The following IMMP2L variants were observed in gnomAD, a reference collection of about 807,000 sequenced individuals.
IMMP2L encodes inner mitochondrial membrane peptidase subunit 2.
A neutral mutation model predicts 19.3 loss-of-function variants in IMMP2L; 18 were observed. That is an observed-to-expected ratio of 0.93 (90% CI 0.64 to 1.38). The LOEUF is 1.38. IMMP2L is among the 40% of genes most tolerant of loss of function. The probability of loss-of-function intolerance (pLI) is 0.00; values close to 1 mark genes in which losing one functional copy is unlikely to be tolerated. For missense variants in IMMP2L, 233 were observed against 218.2 expected, an observed-to-expected ratio of 1.07 and a Z score of -0.43; for synonymous variants, 76 against 73.0, an observed-to-expected ratio of 1.04 and a Z score of -0.21.
At position 111,241,088 on chromosome 7, in the gene IMMP2L, A is replaced by G. The variant is rs1240367857; in HGVS notation, c.239+246150T>C. Among the ~76,000 whole-genome samples, 3 of 151,944 alleles carry G rather than the reference A, an allele frequency of 2.0e-5. No homozygotes were observed. In the East Asian group the frequency reaches 5.8e-4, roughly 29 times the overall value. On this transcript the variant is annotated intron_variant, in intron 3 of 5. Transcript: ENST00000405709. ...ATAACAGTAACTTAGTTACTGTTCG[A>G]ATGGTAAATATTGTATTATGTTTCA...
chr7:110,685,362 A>G (rs1381971376), intron 5 of IMMP2L, among the ~76,000 whole-genome samples: 1 of 152,186 alleles, frequency 6.6e-6, no homozygotes, highest in Non-Finnish European at 1.5e-5. Context: ...GACTGCCACA[A>G]GAATTAAATG....
intron 3 of IMMP2L, among the ~76,000 whole-genome samples, chr7:111,324,856 G>A (rs1825146028): frequency 6.6e-6 from 1 of 151,692 alleles, no homozygotes; most frequent in South Asian, 2.1e-4. Flanking sequence ...TTTGAATACT[G>A]AAAATCTAGG....
At chr7:111,034,686 T>A (rs28711130) in intron 3 of IMMP2L, among the ~76,000 whole-genome samples, 1 of 151,948 alleles carries the variant, frequency 6.6e-6, no homozygotes, top group East Asian at 1.9e-4. Flanking sequence ...ATTTTATGTC[T>A]AATAATTTCT....
intron 3 of IMMP2L, among the ~76,000 whole-genome samples, chr7:111,173,627 G>A (rs1806700631): frequency 6.6e-6 from 1 of 151,580 alleles, no homozygotes; most frequent in Non-Finnish European, 1.5e-5. Flanking sequence ...TGTATGTCCA[G>A]ACTCAAAGAA....
chr7:111,006,744 TTC>T (rs1193398589), intron 3 of IMMP2L, among the ~76,000 whole-genome samples: 3 of 152,096 alleles, frequency 2.0e-5, no homozygotes, highest in Non-Finnish European at 4.4e-5. Context: ...GCGTCTACTT[TTC>T]TCTCTCTTTC....
intron 5 of IMMP2L, among the ~76,000 whole-genome samples, chr7:110,730,726 C>T (rs565152868): frequency 6.6e-6 from 1 of 152,150 alleles, no homozygotes; most frequent in South Asian, 2.1e-4. Flanking sequence ...GGGGTTTCAC[C>T]GTTTTAGCCA....
chr7:110,956,600 A>G (rs1272441169), intron 4 of IMMP2L, among the ~76,000 whole-genome samples: 5 of 151,912 alleles, frequency 3.3e-5, no homozygotes, highest in African/African-American at 1.2e-4. Context: ...TGTAACAGTA[A>G]ATTCATCTTT....
chr7:110,859,571 C>A (rs1296560391), intron 5 of IMMP2L, among the ~76,000 whole-genome samples: 1 of 151,308 alleles, frequency 6.6e-6, no homozygotes, highest in Non-Finnish European at 1.5e-5. Flanking sequence ...GGAGAAATCC[C>A]GTCTCTACAA....
intron 3 of IMMP2L, among the ~76,000 whole-genome samples, chr7:111,101,427 GTGAGAGTAA>G (rs1797962366): frequency 6.6e-6 from 1 of 151,426 alleles, no homozygotes; most frequent in African/African-American, 2.4e-5. Flanking sequence ...CTCAGAATCT[GTGAGAGTAA>G]CACCTAAGAA....
At position 111,163,195 on chromosome 7, in the gene IMMP2L, C is replaced by T. The variant is rs180879026; in HGVS notation, c.240-199630G>A. On this transcript the variant is annotated intron_variant, in intron 3 of 5. Transcript: ENST00000405709. ...CCCTGTGGGAGTTAAGGCCCAACTT[C>T]GAGTGGGCACCTTGCTCTAATACCA... 2.0e-4 allele frequency among the ~76,000 whole-genome samples: 31 copies of T among 152,166 alleles called. 1 individual carries two copies. The East Asian group carries it at 2.1e-3, about 11-fold the overall frequency.
At chr7:111,116,930 A>C (rs1799947239) in intron 3 of IMMP2L, among the ~76,000 whole-genome samples, 1 of 152,170 alleles carries the variant, frequency 6.6e-6, no homozygotes, top group South Asian at 2.1e-4. Context: ...AAAATGAAGG[A>C]ATTTGAATTC....
chr7:111,271,087 T>C (rs1207567302), intron 3 of IMMP2L, among the ~76,000 whole-genome samples: 1 of 152,140 alleles, frequency 6.6e-6, no homozygotes, highest in East Asian at 1.9e-4. Flanking sequence ...CGGGGACAGT[T>C]ACCCTCATGC....
At chr7:111,413,848 G>A (rs1834695456) in intron 3 of IMMP2L, among the ~76,000 whole-genome samples, 1 of 151,642 alleles carries the variant, frequency 6.6e-6, no homozygotes, top group South Asian at 2.1e-4. Flanking sequence ...AGAGAACAAT[G>A]CAAGATGAAG....
intron 3 of IMMP2L, among the ~76,000 whole-genome samples, chr7:111,006,258 A>G (rs983594300): frequency 2.6e-5 from 4 of 152,190 alleles, no homozygotes; most frequent in African/African-American, 9.7e-5. Flanking sequence ...TTCTGAAGAC[A>G]ACTCTTGACT....
intron 3 of IMMP2L, among the ~76,000 whole-genome samples, chr7:111,083,103 T>C (rs1796019254): frequency 6.6e-6 from 1 of 152,190 alleles, no homozygotes; most frequent in Non-Finnish European, 1.5e-5. Context: ...AGTAGTTTCA[T>C]GTATACCAAT....
chr7:110,805,332 A>G (rs1184415794), intron 5 of IMMP2L, among the ~76,000 whole-genome samples: 3 of 152,226 alleles, frequency 2.0e-5, no homozygotes, highest in African/African-American at 7.2e-5. Context: ...GTAATGAATT[A>G]TGGCTTATTT....
chr7:111,232,694 A>T (rs917636586), intron 3 of IMMP2L, among the ~76,000 whole-genome samples: 7 of 152,060 alleles, frequency 4.6e-5, no homozygotes, highest in Non-Finnish European at 7.4e-5. Flanking sequence ...ATCGCATAGG[A>T]TGTTTTCAGA....
intron 1 of IMMP2L, chr7:111,532,482 T>C (rs1847488228): frequency 6.6e-6 from 1 of 152,142 alleles, no homozygotes; most frequent in Non-Finnish European, 1.5e-5. Context: ...GCAAATGCCT[T>C]TACTAGAATG....
At chr7:111,277,224 T>G (rs2130493460) in intron 3 of IMMP2L, among the ~76,000 whole-genome samples, 1 of 151,676 alleles carries the variant, frequency 6.6e-6, no homozygotes, top group Admixed American at 6.6e-5. Context: ...AGGGCTAATA[T>G]CCAGAACCTA....
Sources: gnomAD v4.1 joint callset for allele counts (sites outside exome capture counted in the v4.1 genomes callset) on GRCh38, gnomAD v4.1.1 for gene constraint, MANE v1.5 for transcripts, NCBI Gene and HGNC (gene_info 2026-07-23, HGNC 2026-07-21) for gene names.